Variants in SLC25A13 observed in about 807,000 individuals in gnomAD.
SLC25A13 encodes the protein solute carrier family 25 member 13.
In SLC25A13, 70 loss-of-function variants were observed where a neutral mutation model predicts 85.5. That is an observed-to-expected ratio of 0.82 (90% CI 0.68 to 1.00). SLC25A13 has a LOEUF of 1.00. Among genes scored for constraint, SLC25A13 ranks in the 50% least tolerant of loss-of-function variants. SLC25A13 has a pLI of 0.00. For synonymous variants in SLC25A13, 259 were observed against 288.7 expected (o/e 0.90, Z 1.04); for missense variants, 765 against 819.8 (o/e 0.93, Z 0.82).
intron 3 of SLC25A13, among the ~76,000 whole-genome samples, chr7:96,253,576 G>A (rs139199195): frequency 2.1e-4 from 32 of 152,232 alleles, no homozygotes; most frequent in African/African-American, 7.2e-4. Context: ...CTTTTCCCAT[G>A]CAAAAGACCC....
At position 96,184,939 on chromosome 7, in the gene SLC25A13, A is replaced by T. The variant is rs747861059; in HGVS notation, c.1006T>A (p.Ser336Thr). Residue 336 changes from serine to threonine, a missense_variant, in exon 10 of 18, where the codon TCT (serine) becomes ACT (threonine). Coordinates refer to ENST00000265631, the MANE Select transcript of SLC25A13 (RefSeq NM_014251.3). ...ATCCATGACTAACCTCCAGCAACAGAACCCAGACCAAACCTGTAGGCCGAC... is the reference window on the plus strand; with the variant it reads ...ATCCATGACTAACCTCCAGCAACAGTACCCAGACCAAACCTGTAGGCCGAC... ...AESAYRFGLG[S>T]VAGAVGATAV... 6.2e-7 allele frequency: 1 copy of T among 1,614,210 alleles called. No individual in the cohort carries two copies. Among genetic ancestry groups the T allele is most frequent in the Non-Finnish European group, 8.5e-7 (1 of 1,180,008 alleles).
chr7:96,132,177 T>A (rs1276141340), intron 14 of SLC25A13, among the ~76,000 whole-genome samples: 4 of 152,208 alleles, frequency 2.6e-5, no homozygotes, highest in Admixed American at 6.5e-5. Context: ...TGTGACATCC[T>A]TTTAAATCCC....
Position 96,310,511 on chromosome 7 carries a change from A to G in SLC25A13, c.15+11431T>C, listed in dbSNP as rs199660323. On this transcript the variant is annotated intron_variant, in intron 1 of 17. Coordinates refer to ENST00000265631, the MANE Select transcript of SLC25A13 (RefSeq NM_014251.3). ...GCTGATGATCACTTGGTTGAAGCAG[A>G]TTTCTCCATTGTAAAGGTACTTTTT... 1.1e-4 allele frequency among the ~76,000 whole-genome samples: 16 copies of G among 152,332 alleles called. No individual in the cohort carries two copies. The East Asian group carries it at 3.1e-3, about 29-fold the overall frequency.
chr7:96,209,231 G>C (rs1267124845), intron 4 of SLC25A13, among the ~76,000 whole-genome samples: 2 of 151,678 alleles, frequency 1.3e-5, no homozygotes, highest in African/African-American at 4.8e-5. Flanking sequence ...CAACCTAAAG[G>C]CTGTAGGAAA....
chr7:96,168,159 C>T (rs996388117), intron 13 of SLC25A13, among the ~76,000 whole-genome samples: 1 of 127,644 alleles, frequency 7.8e-6, no homozygotes, highest in Non-Finnish European at 1.6e-5. Context: ...AACACACACA[C>T]AGAAAATGGA....
intron 1 of SLC25A13, 22 bp downstream of exon 1, chr7:96,321,920 C>G (rs779836504): frequency 1.3e-6 from 2 of 1,529,590 alleles, no homozygotes; most frequent in South Asian, 1.2e-5. Context: ...CGCGCTCCCC[C>G]CGGCCTCGGG....
intron 3 of SLC25A13, among the ~76,000 whole-genome samples, chr7:96,241,627 G>C (rs1000900888): frequency 1.3e-5 from 2 of 152,112 alleles, no homozygotes; most frequent in Non-Finnish European, 2.9e-5. Context: ...TCATCTCTAG[G>C]TGGTTAAATT....
chr7:96,307,152 TAAAG>T (rs1017939945), intron 1 of SLC25A13, among the ~76,000 whole-genome samples: 3 of 142,806 alleles, frequency 2.1e-5, no homozygotes, highest in Non-Finnish European at 3.1e-5. Flanking sequence ...AAAAAAAAAA[TAAAG>T]AAAATTAAGA....
intron 2 of SLC25A13, among the ~76,000 whole-genome samples, chr7:96,284,191 A>AT (rs938213091): frequency 6.6e-6 from 1 of 152,048 alleles, no homozygotes; most frequent in African/African-American, 2.4e-5. Context: ...AGAAAACAGT[A>AT]TTTTTTTCTC....
chr7:96,173,001 G>A (rs1339213951), intron 11 of SLC25A13, among the ~76,000 whole-genome samples: 2 of 152,172 alleles, frequency 1.3e-5, no homozygotes, highest in African/African-American at 2.4e-5. Flanking sequence ...CTCATGATCC[G>A]CCTGCCTTGG....
chr7:96,158,243 A>G (rs1793365420), intron 13 of SLC25A13, among the ~76,000 whole-genome samples: 1 of 152,240 alleles, frequency 6.6e-6, no homozygotes, highest in Non-Finnish European at 1.5e-5. Context: ...AGATAAAAAT[A>G]CAAGCCTTCT....
chr7:96,128,042 C>T (rs1791804171), intron 15 of SLC25A13, among the ~76,000 whole-genome samples: 2 of 152,142 alleles, frequency 1.3e-5, no homozygotes, highest in South Asian at 4.2e-4. Flanking sequence ...AAAAGTCTTG[C>T]CCTTCTCCAC....
chr7:96,147,312 T>C (rs186161272), intron 13 of SLC25A13, among the ~76,000 whole-genome samples: 12 of 152,348 alleles, frequency 7.9e-5, no homozygotes, highest in East Asian at 7.7e-4. Context: ...TTTTTGTTTA[T>C]GTATTACTTG....
At chr7:96,237,471 G>A (rs556465266) in intron 3 of SLC25A13, among the ~76,000 whole-genome samples, 35 of 152,300 alleles carry the variant, frequency 2.3e-4, no homozygotes, top group Admixed American at 5.9e-4. Context: ...AGCCACCTAG[G>A]GTGGACCTTA....
chr7:96,230,434 C>T (rs947794254), intron 4 of SLC25A13, among the ~76,000 whole-genome samples: 1 of 152,180 alleles, frequency 6.6e-6, no homozygotes, highest in Non-Finnish European at 1.5e-5. Context: ...CACTTAACAC[C>T]ATTTGTATAT....
At chr7:96,259,215 A>T (rs1237648904) in intron 3 of SLC25A13, among the ~76,000 whole-genome samples, 1 of 152,258 alleles carries the variant, frequency 6.6e-6, no homozygotes, top group African/African-American at 2.4e-5. Context: ...GACAAATGGG[A>T]TCTAATTAAA....
At chr7:96,168,272 G>C (rs1426467410) in intron 13 of SLC25A13, among the ~76,000 whole-genome samples, 2 of 151,778 alleles carry the variant, frequency 1.3e-5, no homozygotes, top group Admixed American at 1.3e-4. Flanking sequence ...AGTAATGATT[G>C]GGGGGGAAAA....
At chr7:96,257,681 T>A (rs1028451265) in intron 3 of SLC25A13, among the ~76,000 whole-genome samples, 1 of 151,862 alleles carries the variant, frequency 6.6e-6, no homozygotes, top group Non-Finnish European at 1.5e-5. Flanking sequence ...TTCCAAACAA[T>A]AGAAAAAGAG....
chr7:96,121,100 T>A lies in SLC25A13; in HGVS notation c.*91A>T. 1.4e-6 allele frequency: 2 copies of A among 1,388,410 alleles called. No homozygotes were observed. The highest frequency in any genetic ancestry group is 1.0e-6 in the Non-Finnish European group (1 of 977,176). 86.0% of individuals were successfully genotyped at this position (1,388,410 alleles called of 1,614,324 possible). A position where few individuals can be genotyped will look rare whatever the true frequency, so the allele number is the denominator to read the frequency against. On this transcript the variant is annotated 3_prime_UTR_variant, in exon 18 of 18. Coordinates refer to ENST00000265631, the MANE Select transcript of SLC25A13 (RefSeq NM_014251.3). ...CTTGAATTTAAACAAGAGATGGACG[T>A]AAAAGGGATGAAGCATTGCTTCATT... is the stretch of plus-strand genomic sequence containing the variant.
Sources: gnomAD v4.1 joint callset for allele counts (sites outside exome capture counted in the v4.1 genomes callset) on GRCh38, gnomAD v4.1.1 for gene constraint, MANE v1.5 for transcripts, NCBI Gene and HGNC (gene_info 2026-07-23, HGNC 2026-07-21) for gene names.